CNTN5: variants seen among roughly 807,000 people sequenced by gnomAD.
CNTN5 encodes contactin-5.
A neutral mutation model predicts 129.1 loss-of-function variants in CNTN5; 77 were observed. The observed-to-expected ratio is 0.60, with a 90% CI of 0.50 to 0.72. The LOEUF is 0.72. CNTN5 is among the 30% of genes least tolerant of loss of function. The pLI is 0.00. For synonymous variants in CNTN5, 509 were observed against 465.6 expected, an observed-to-expected ratio of 1.09 and a Z score of -1.20; for missense variants, 1,478 against 1,328.8, an observed-to-expected ratio of 1.11 and a Z score of -1.75.
intron 2 of CNTN5, among the ~76,000 whole-genome samples, chr11:99,427,826 T>C (rs1430689671): frequency 1.6e-5 from 2 of 122,626 alleles, no homozygotes; most frequent in Admixed American, 7.8e-5. Context: ...TAAGAACAAA[T>C]GAATACTTTA....
intron 1 of CNTN5, among the ~76,000 whole-genome samples, chr11:99,043,520 A>G (rs28623310): frequency 0.014 from 2,057 of 152,306 alleles, 48 homozygotes; most frequent in African/African-American, 0.047. Flanking sequence ...ATAATGCCTT[A>G]TAATTGAGGA....
chr11:99,539,388 G>C (rs897006142), intron 2 of CNTN5, among the ~76,000 whole-genome samples: 1 of 151,844 alleles, frequency 6.6e-6, no homozygotes, highest in African/African-American at 2.4e-5. Context: ...TTCTCCACAT[G>C]ACCCAAATTA....
intron 7 of CNTN5, among the ~76,000 whole-genome samples, chr11:99,928,043 G>A (rs1950103929): frequency 6.6e-6 from 1 of 152,134 alleles, no homozygotes; most frequent in Admixed American, 6.5e-5. Flanking sequence ...GAAGGAGTTA[G>A]AGGCCCCATG....
chr11:99,488,842 G>A (rs1476972889), intron 2 of CNTN5, among the ~76,000 whole-genome samples: 1 of 152,118 alleles, frequency 6.6e-6, no homozygotes, highest in Non-Finnish European at 1.5e-5. Flanking sequence ...AAAAATGTTT[G>A]TGGGAGTTCA....
chr11:99,608,258 T>C (rs920246177), intron 3 of CNTN5, among the ~76,000 whole-genome samples: 1 of 152,120 alleles, frequency 6.6e-6, no homozygotes, highest in African/African-American at 2.4e-5. Context: ...GAATTGGAAG[T>C]CCTTTTAGTT....
intron 16 of CNTN5, among the ~76,000 whole-genome samples, chr11:100,245,520 G>A (rs1436734427): frequency 6.6e-6 from 1 of 152,022 alleles, no homozygotes; most frequent in Non-Finnish European, 1.5e-5. Context: ...AGGCAGAGGG[G>A]TTAAGTCCTT....
chr11:99,630,767 C>T (rs1951317651), intron 3 of CNTN5, among the ~76,000 whole-genome samples: 1 of 152,138 alleles, frequency 6.6e-6, no homozygotes, highest in Admixed American at 6.5e-5. Context: ...CTTGACCAAT[C>T]TCTTAATTAT....
chr11:100,050,704 AT>A (rs139714812), intron 9 of CNTN5, among the ~76,000 whole-genome samples: 7 of 152,040 alleles, frequency 4.6e-5, no homozygotes, highest in African/African-American at 1.4e-4. Flanking sequence ...TTTAAAAATG[AT>A]TTTTTATATA....
chr11:99,216,312 T>C (rs1337943804), intron 1 of CNTN5, among the ~76,000 whole-genome samples: 1 of 152,180 alleles, frequency 6.6e-6, no homozygotes, highest in Non-Finnish European at 1.5e-5. Flanking sequence ...ATCTGTGTTG[T>C]TGCAAATGAC....
At chr11:100,309,405 G>T in intron 21 of CNTN5, 2 of 969,152 alleles carry the variant, frequency 2.1e-6, no homozygotes, top group Non-Finnish European at 2.5e-6. Flanking sequence ...ATTAAATAAT[G>T]ATTTCTATGA....
At chr11:99,382,026 G>T (rs376656238) in intron 2 of CNTN5, among the ~76,000 whole-genome samples, 16 of 152,052 alleles carry the variant, frequency 1.1e-4, no homozygotes, top group African/African-American at 3.6e-4. Context: ...GCAAGCTCTT[G>T]AAATTAGAAT....
At chr11:99,195,897 A>G (rs1020542311) in intron 1 of CNTN5, among the ~76,000 whole-genome samples, 6 of 152,150 alleles carry the variant, frequency 3.9e-5, no homozygotes, top group Admixed American at 6.5e-5. Context: ...TCAAAGAAAT[A>G]CTTTATTCTG....
chr11:99,100,494 G>A (rs1353731563), intron 1 of CNTN5, among the ~76,000 whole-genome samples: 1 of 151,860 alleles, frequency 6.6e-6, no homozygotes, highest in Non-Finnish European at 1.5e-5. Context: ...ATTAAATATT[G>A]TAATTTTCAA....
intron 3 of CNTN5, among the ~76,000 whole-genome samples, chr11:99,665,360 A>G (rs767488007): frequency 1.1e-4 from 16 of 152,270 alleles, no homozygotes; most frequent in Middle Eastern, 3.4e-3. Flanking sequence ...GGAGGAGGAG[A>G]AACGTAACCA....
chr11:99,217,816 G>T (rs1860205052), intron 1 of CNTN5, among the ~76,000 whole-genome samples: 1 of 151,888 alleles, frequency 6.6e-6, no homozygotes, highest in Non-Finnish European at 1.5e-5. Context: ...CTGCTTATTT[G>T]CTAGATTGCA....
At chr11:99,281,048 G>A (rs906474634) in intron 1 of CNTN5, among the ~76,000 whole-genome samples, 10 of 151,530 alleles carry the variant, frequency 6.6e-5, no homozygotes, top group Non-Finnish European at 1.3e-4. Context: ...AACAACCAAG[G>A]ATTACAATTA....
rs76432900 is a variant in CNTN5 at position 99,227,373 on chromosome 11, G to A, written c.-209-97973G>A. 2.5e-3 allele frequency among the ~76,000 whole-genome samples: 367 copies of A among 145,068 alleles called. 4 individuals are homozygous for A. The South Asian group carries it at 0.034, about 14-fold the overall frequency. ...AGAATCTGTCTCAAAAAAAAAAAAA[G>A]AAAGAAAAATTATGATAAGCCTAAT... On this transcript the variant is annotated intron_variant, in intron 1 of 24. Coordinates refer to ENST00000524871, the MANE Select transcript of CNTN5 (RefSeq NM_014361.4).
chr11:100,181,573 G>A (rs1445621342), intron 13 of CNTN5, among the ~76,000 whole-genome samples: 3 of 151,746 alleles, frequency 2.0e-5, no homozygotes, highest in Non-Finnish European at 2.9e-5. Flanking sequence ...ACACAAATAA[G>A]TCAAACTGGA....
At chr11:100,273,004 A>G (rs1308805189) in intron 18 of CNTN5, among the ~76,000 whole-genome samples, 1 of 152,032 alleles carries the variant, frequency 6.6e-6, no homozygotes, top group Non-Finnish European at 1.5e-5. Context: ...TCCATAGGAG[A>G]CTTTAGCCCT....
Sources: allele counts gnomAD v4.1 joint callset (sites outside exome capture counted in the v4.1 genomes callset), GRCh38; gene constraint gnomAD v4.1.1; transcripts MANE v1.5; gene names NCBI Gene and HGNC (gene_info 2026-07-23, HGNC 2026-07-21).